STYXL1: variants seen among roughly 807,000 people sequenced by gnomAD.
The protein encoded by STYXL1 is serine/threonine/tyrosine interacting like 1, also known as serine/threonine/tyrosine-interacting-like protein 1.
STYXL1 carries 32 observed loss-of-function variants against 36.4 expected under a neutral mutation model. The ratio of observed to expected loss-of-function variants is 0.88; its 90% CI spans 0.66 to 1.18. The LOEUF (loss-of-function observed/expected upper bound fraction) is 1.18, where lower values mean the gene tolerates loss of function less well. Ranked by LOEUF, STYXL1 falls within the 50% of genes most tolerant of loss-of-function variation. STYXL1 has a pLI of 0.00. For missense variants in STYXL1, 354 were observed against 394.1 expected (o/e 0.90, Z 0.86); for synonymous variants, 133 against 144.1 (o/e 0.92, Z 0.55).
chr7:76,023,967 C>G (rs782064002), intron 3 of STYXL1, among the ~76,000 whole-genome samples: 1 of 152,032 alleles, frequency 6.6e-6, no homozygotes, highest in Non-Finnish European at 1.5e-5. Context: ...GAGCCGAGAT[C>G]GCGTCACTGC....
chr7:76,012,970 C>T (rs1554572623), intron 5 of STYXL1, among the ~76,000 whole-genome samples: 4 of 152,190 alleles, frequency 2.6e-5, no homozygotes, highest in Non-Finnish European at 5.9e-5. Flanking sequence ...CACCATCCAG[C>T]CTGCCCTCTG....
chr7:76,022,054 G>A, intron 3 of STYXL1, 62 bp from the exon 4 acceptor site: 2 of 1,575,932 alleles, frequency 1.3e-6, no homozygotes. Flanking sequence ...CGGTTGAGCA[G>A]AGACTCCCTG....
Position 76,017,986 on chromosome 7 carries a change from CAG to C in STYXL1, c.307+3863_307+3864del, listed in dbSNP as rs1241856672. Among the ~76,000 whole-genome samples, 3 of 151,242 alleles carry C rather than the reference CAG, an allele frequency of 2.0e-5. No individual in the cohort carries two copies. In the East Asian group the frequency reaches 5.8e-4, roughly 29 times the overall value. On this transcript the variant is annotated intron_variant, in intron 4 of 8. Coordinates refer to ENST00000359697, the MANE Select transcript of STYXL1 (RefSeq NM_001317785.2). ...ACAATTCAGTGACTTTTAGTATATT[CAG>C]AGTTATGCAACCATCCCCCACAATC...
intron 1 of STYXL1, among the ~76,000 whole-genome samples, chr7:76,036,631 C>A (rs55709636): frequency 0.22 from 31,432 of 142,498 alleles, 5,796 homozygotes; most frequent in Middle Eastern, 0.41. Flanking sequence ...ATCCCAAGAT[C>A]AAGTCTTTTC....
chr7:76,006,354 CAT>C (rs1791764842), intron 5 of STYXL1, among the ~76,000 whole-genome samples: 1 of 152,092 alleles, frequency 6.6e-6, no homozygotes, highest in African/African-American at 2.4e-5. Context: ...TTGGGATACA[CAT>C]GTGAGCCACC....
At chr7:76,025,054 G>C (rs1244745017) in intron 3 of STYXL1, among the ~76,000 whole-genome samples, 2 of 151,158 alleles carry the variant, frequency 1.3e-5, no homozygotes, top group African/African-American at 2.4e-5. Flanking sequence ...TGGCAGCACA[G>C]TGCTGCTAAG....
chr7:76,008,092 G>C (rs376430231), intron 5 of STYXL1, among the ~76,000 whole-genome samples: 1 of 149,644 alleles, frequency 6.7e-6, no homozygotes, highest in Non-Finnish European at 1.5e-5. Flanking sequence ...CCAGCTACTC[G>C]GGAGGCTGGG....
intron 1 of STYXL1, among the ~76,000 whole-genome samples, chr7:76,041,917 G>A (rs1207692992): frequency 2.0e-5 from 3 of 152,174 alleles, no homozygotes; most frequent in African/African-American, 7.2e-5. Flanking sequence ...CGTTTGTTTT[G>A]GGTGGTTGTT....
At position 76,022,009 on chromosome 7, in the gene STYXL1, C is replaced by A. The variant is rs557330203; in HGVS notation, c.166-17G>T. The A allele has an allele frequency of 1.1e-5, 18 of 1,597,268 alleles. No individual in the cohort carries two copies. Among genetic ancestry groups the A allele is most frequent in the Admixed American group, 1.0e-4 (6 of 57,968 alleles). On this transcript the variant is annotated splice_polypyrimidine_tract_variant and intron_variant, in intron 3 of 8. Coordinates refer to ENST00000359697, the MANE Select transcript of STYXL1 (RefSeq NM_001317785.2). Reference sequence around the variant, plus strand: ...ATTATTTTTCTTAAAAAAAAAAACACACACACACAAGAGAGGCCTGTTGGT... The same window carrying A: ...ATTATTTTTCTTAAAAAAAAAAACAAACACACACAAGAGAGGCCTGTTGGT...
chr7:76,018,217 C>T (rs1404024910), intron 4 of STYXL1, among the ~76,000 whole-genome samples: 1 of 151,982 alleles, frequency 6.6e-6, no homozygotes, highest in African/African-American at 2.4e-5. Flanking sequence ...TACCACTAAT[C>T]AGCCACACCC....
chr7:76,025,142 G>A (rs1439528569), intron 3 of STYXL1, among the ~76,000 whole-genome samples: 2 of 134,798 alleles, frequency 1.5e-5, no homozygotes, highest in East Asian at 2.6e-4. Context: ...CTGAGAACAC[G>A]GGCGGGAGGG....
rs115605432 is a variant in STYXL1 at position 76,016,538 on chromosome 7, T to A, written c.308-2651A>T. Among the ~76,000 whole-genome samples, 1,521 of 152,126 alleles carry A rather than the reference T, an allele frequency of 1.0e-2. 23 individuals are homozygous for A. Among genetic ancestry groups the A allele is most frequent in the African/African-American group, 0.035 (1,453 of 41,482 alleles). ...ATATCTCCTATTAGTTCTGTCCCTC[T>A]AGAGAACTCTAATACACAACTCTAT... On this transcript the variant is annotated intron_variant, in intron 4 of 8. Transcript: ENST00000359697.
chr7:76,015,189 G>GT, intron 4 of STYXL1, among the ~76,000 whole-genome samples: 1 of 152,314 alleles, frequency 6.6e-6, no homozygotes. Context: ...GGTTGAGGCT[G>GT]TAGTGAGCAA....
rs1554567010 is a variant in STYXL1 at position 76,001,010 on chromosome 7, A to C, written c.698-8T>G. 6.2e-7 allele frequency: 1 copy of C among 1,610,744 alleles called. No homozygotes were observed. The highest frequency in any genetic ancestry group is 8.5e-7 in the Non-Finnish European group (1 of 1,176,920). On this transcript the variant is annotated splice_polypyrimidine_tract_variant and splice_region_variant and intron_variant, in intron 7 of 8. Coordinates refer to ENST00000359697, the MANE Select transcript of STYXL1 (RefSeq NM_001317785.2). ...CAAGGTGATGGTGAATTTCTGCAAA[A>C]AGAAGTGGGGGGTTGGGTCATGCCT...
intron 6 of STYXL1, among the ~76,000 whole-genome samples, chr7:76,004,341 C>T (rs1175886597): frequency 4.6e-5 from 7 of 152,138 alleles, no homozygotes; most frequent in South Asian, 4.1e-4. Flanking sequence ...CTTATGTACC[C>T]GCCTTGGCCT....
intron 3 of STYXL1, 120 bp from the exon 4 acceptor site, chr7:76,022,112 TAC>T (rs1414119852): frequency 1.3e-6 from 2 of 1,490,572 alleles, no homozygotes; most frequent in African/African-American, 2.8e-5. Context: ...CCCCTGACTA[TAC>T]ACACAGGCCC....
At chr7:76,030,249 T>C (rs1397718827) in intron 2 of STYXL1, among the ~76,000 whole-genome samples, 172 bp downstream of exon 2, 1 of 152,226 alleles carries the variant, frequency 6.6e-6, no homozygotes, top group East Asian at 1.9e-4. Flanking sequence ...TTCGCCCACC[T>C]TGGCCTTCCC....
chr7:76,027,122 T>A (rs1794807155), intron 3 of STYXL1, among the ~76,000 whole-genome samples: 1 of 150,664 alleles, frequency 6.6e-6, no homozygotes, highest in Non-Finnish European at 1.5e-5. Context: ...AACCTCCAAG[T>A]TCAGGGCAGA....
chr7:76,029,559 T>C (rs1283273452), intron 2 of STYXL1, among the ~76,000 whole-genome samples: 1 of 152,176 alleles, frequency 6.6e-6, no homozygotes, highest in African/African-American at 2.4e-5. Flanking sequence ...CGGGGATGGT[T>C]TGGGGATGAC....
Sources: allele counts gnomAD v4.1 joint callset (sites outside exome capture counted in the v4.1 genomes callset), GRCh38; gene constraint gnomAD v4.1.1; transcripts MANE v1.5; gene names NCBI Gene and HGNC (gene_info 2026-07-23, HGNC 2026-07-21).